The following F8 variants were observed in gnomAD, a reference collection of about 807,000 sequenced individuals.
The protein encoded by F8 is coagulation factor VIII, also known as antihemophilic factor.
Under a neutral mutation model 140.6 loss-of-function variants are expected in F8, and 12 were observed. The observed-to-expected ratio is 0.09, with a 90% CI of 0.05 to 0.14. The LOEUF (loss-of-function observed/expected upper bound fraction) is 0.14. F8 is among the 10% of genes least tolerant of loss of function. The pLI is 1.00. For synonymous variants in F8, 585 were observed against 614.6 expected (o/e 0.95, Z 0.71); for missense variants, 1,354 against 1,720.7 (o/e 0.79, Z 3.77).
intron 14 of F8, among the ~76,000 whole-genome samples, chrX:154,908,599 T>G (rs189743660): frequency 8.9e-6 from 1 of 112,567 alleles, no homozygotes; most frequent in Non-Finnish European, 1.9e-5. Context: ...GAAAGTTATT[T>G]AGGTACTCTT....
chrX:154,966,202 AACTCTAAAACAGCTTATATGATTC>A lies in F8; in HGVS notation c.1272-85_1272-62del, dbSNP rs782046926. On this transcript the variant is annotated intron_variant, in intron 8 of 25. Coordinates refer to ENST00000360256, the MANE Select transcript of F8 (RefSeq NM_000132.4). ...AAAAATTCTAGGTAGGCTCAAATCC[AACTCTAAAACAGCTTATATGATTC>A]AATCAAGGCAAGGAGTGAGAAAAAT... 45 of 1,071,379 alleles carry A rather than the reference AACTCTAAAACAGCTTATATGATTC, an allele frequency of 4.2e-5. No homozygotes were observed. In the East Asian group the frequency reaches 6.6e-4, roughly 16 times the overall value. The allele number at this position is 1,071,379 out of a possible 1,213,427, so 88.3% of individuals were successfully genotyped here.
chrX:154,996,374 C>A (rs2073617321), intron 3 of F8, among the ~76,000 whole-genome samples: 1 of 112,489 alleles, frequency 8.9e-6, no homozygotes, highest in Non-Finnish European at 1.9e-5. Context: ...CCATGGCCCA[C>A]ATGATATACA....
rs1283858176 is a variant in F8 at position 154,939,599 on chromosome X, G to T, written c.2114-7923C>A. ...GCTCCACCTCTGCGGGCAGGGCACAGACAAACAAAAGACAGCAATAACCTC... is the reference window on the plus strand; with the variant it reads ...GCTCCACCTCTGCGGGCAGGGCACATACAAACAAAAGACAGCAATAACCTC... On this transcript the variant is annotated intron_variant, in intron 13 of 25. Transcript: ENST00000360256. 2.0e-3 allele frequency among the ~76,000 whole-genome samples: 226 copies of T among 112,900 alleles called. 1 individual carries two copies. The highest frequency in any genetic ancestry group is 3.4e-3 in the Non-Finnish European group (183 of 53,295).
intron 22 of F8, among the ~76,000 whole-genome samples, chrX:154,869,774 A>G (rs782401534): frequency 9.0e-6 from 1 of 111,642 alleles, no homozygotes; most frequent in South Asian, 3.7e-4. Context: ...TTTTGAAAAA[A>G]TCAACAAAAT....
At chrX:154,892,748 G>A (rs2072952613) in intron 22 of F8, among the ~76,000 whole-genome samples, 1 of 111,585 alleles carries the variant, frequency 9.0e-6, no homozygotes, top group African/African-American at 3.3e-5. Flanking sequence ...TTACCATCCT[G>A]TAAACCCAAA....
At chrX:154,994,206 G>A (rs781920946) in intron 3 of F8, among the ~76,000 whole-genome samples, 9 of 111,856 alleles carry the variant, frequency 8.0e-5, no homozygotes, top group Non-Finnish European at 1.3e-4. Flanking sequence ...TCTTAGAATT[G>A]CACTGCTACT....
Position 154,929,872 on chromosome X carries a change from A to C in F8, c.3918T>G (p.Ile1306Met). ...TTGTGGTGCATGCATATTTCTCTAC[A>C]ATTTGCTTGGTTTGATTTCCCAAGC... ...LEGLGNQTKQ[I>M]VEKYACTTRI... The change falls in exon 14 of 26, where the codon ATT becomes ATG. Residue 1306 changes from isoleucine (I) to methionine (M), a missense_variant. By Grantham distance (10) the Ile-to-Met change is conservative (BLOSUM62 1). Coordinates refer to ENST00000360256, the MANE Select transcript of F8 (RefSeq NM_000132.4). The C allele has an allele frequency of 1.7e-6, 2 of 1,211,047 alleles. No homozygotes were observed. Among genetic ancestry groups the C allele is most frequent in the Non-Finnish European group, 2.2e-6 (2 of 895,140 alleles).
intron 14 of F8, among the ~76,000 whole-genome samples, chrX:154,909,937 C>A (rs781909415): frequency 2.7e-5 from 3 of 112,102 alleles, no homozygotes; most frequent in Admixed American, 9.4e-5. Flanking sequence ...ACTGTAATAT[C>A]GAACACTACA....
intron 14 of F8, among the ~76,000 whole-genome samples, chrX:154,911,005 A>G (rs186262702): frequency 9.1e-6 from 1 of 109,892 alleles, no homozygotes; most frequent in East Asian, 2.9e-4. Flanking sequence ...ACATTTCCTT[A>G]AACTTATTTA....
intron 22 of F8, among the ~76,000 whole-genome samples, chrX:154,885,973 G>A (rs1279965449): frequency 1.2e-4 from 1 of 8,684 alleles, no homozygotes; most frequent in African/African-American, 2.1e-3. Context: ...GCGGGGGGGG[G>A]GGGGGACAAC....
chrX:154,850,083 T>TTG (rs60052978), intron 25 of F8, among the ~76,000 whole-genome samples: 8,362 of 95,947 alleles, frequency 0.087, 356 homozygotes, highest in African/African-American at 0.11. Flanking sequence ...CAGGCTTGTT[T>TTG]TGTGTGTGTG....
At chrX:154,857,236 G>C (rs1279600790) in intron 25 of F8, among the ~76,000 whole-genome samples, 2 of 111,975 alleles carry the variant, frequency 1.8e-5, no homozygotes, top group South Asian at 3.8e-4. Context: ...TGCCCATCAT[G>C]AACTAGGTGT....
rs1258431737 is a variant in F8 at position 154,988,492 on chromosome X, T to G, written c.602-1187A>C. Among the ~76,000 whole-genome samples, 3 of 112,148 alleles carry G rather than the reference T, an allele frequency of 2.7e-5. No individual in the cohort carries two copies. In the East Asian group the frequency reaches 8.3e-4, roughly 31 times the overall value. On this transcript the variant is annotated intron_variant, in intron 4 of 25. Coordinates refer to ENST00000360256, the MANE Select transcript of F8 (RefSeq NM_000132.4). ...ACTAACTCTATACAGTATTTCCCTT[T>G]GTTTAGGGAGGTGTCCACAGTCTCT...
chrX:154,918,041 T>C (rs2073107706), intron 14 of F8, among the ~76,000 whole-genome samples: 1 of 112,121 alleles, frequency 8.9e-6, no homozygotes, highest in South Asian at 3.7e-4. Context: ...TCTTTGTGTC[T>C]GGCTTAGTTT....
chrX:154,839,397 C>G (rs1364214267), intron 25 of F8, among the ~76,000 whole-genome samples: 2 of 104,771 alleles, frequency 1.9e-5, no homozygotes, highest in African/African-American at 7.1e-5. Flanking sequence ...GAGTCTCGCT[C>G]TGTCGCCCAG....
At chrX:155,009,109 G>A (rs1294487160) in intron 1 of F8, among the ~76,000 whole-genome samples, 2 of 104,454 alleles carry the variant, frequency 1.9e-5, no homozygotes, top group African/African-American at 7.1e-5. Context: ...TTGAGACGGA[G>A]TCTCGCTCTG....
At chrX:154,919,834 G>T in intron 14 of F8, 1 of 258,492 alleles carries the variant, frequency 3.9e-6, no homozygotes. Flanking sequence ...ACCCACTCTG[G>T]CATCAGAAGG....
At chrX:154,860,249 A>G (rs28370229) in intron 25 of F8, among the ~76,000 whole-genome samples, 183 bp downstream of exon 25, 2,769 of 111,843 alleles carry the variant, frequency 0.025, 39 homozygotes, top group Non-Finnish European at 0.039. Flanking sequence ...TCAGTATTTT[A>G]CCTTTTTCTT....
At chrX:154,940,782 A>G (rs188449103) in intron 13 of F8, among the ~76,000 whole-genome samples, 2 of 112,263 alleles carry the variant, frequency 1.8e-5, no homozygotes, top group Non-Finnish European at 3.8e-5. Flanking sequence ...CGGGTTACCC[A>G]CAAAGGGAAG....
Sources: allele counts gnomAD v4.1 joint callset (sites outside exome capture counted in the v4.1 genomes callset), GRCh38; gene constraint gnomAD v4.1.1; transcripts MANE v1.5; gene names NCBI Gene and HGNC (gene_info 2026-07-23, HGNC 2026-07-21).